Variants in CTNND1 observed in about 807,000 individuals in gnomAD.
The protein encoded by CTNND1 is catenin delta 1.
CTNND1 carries 16 observed loss-of-function variants against 112.1 expected under a neutral mutation model. The ratio of observed to expected loss-of-function variants is 0.14; its 90% CI spans 0.10 to 0.22. The LOEUF (loss-of-function observed/expected upper bound fraction) is 0.22, where lower values mean the gene tolerates loss of function less well. CTNND1 is among the 10% of genes least tolerant of loss of function. The pLI is 1.00. For missense variants in CTNND1, 1,008 were observed against 1,257.0 expected (o/e 0.80, Z 3.00); for synonymous variants, 420 against 446.5 (o/e 0.94, Z 0.75).
chr11:57,802,108 G>A lies in CTNND1; in HGVS notation c.1332G>A (p.Lys444=), dbSNP rs1174363318. ...CTTTTGGACGTGACCAGGATAACAAGATTGCCATAAAAAACTGTGATGGTG... is the reference window on the plus strand; with the variant it reads ...CTTTTGGACGTGACCAGGATAACAAAATTGCCATAAAAAACTGTGATGGTG... ...NISFGRDQDN[K]IAIKNCDGVP... is the part of the protein sequence containing the mutation. Residue 444 remains lysine, a synonymous_variant, in exon 7 of 21, where the codon AAG becomes AAA. Coordinates refer to ENST00000399050, the MANE Select transcript of CTNND1 (RefSeq NM_001085458.2). The A allele has an allele frequency of 6.2e-7, 1 of 1,614,026 alleles. No individual in the cohort carries two copies. Among genetic ancestry groups the A allele is most frequent in the Admixed American group, 1.7e-5 (1 of 60,020 alleles).
intron 14 of CTNND1, 107 bp from the exon 15 acceptor site, chr11:57,809,167 A>C (rs2063048772): frequency 1.3e-6 from 1 of 765,318 alleles, no homozygotes; most frequent in Non-Finnish European, 2.1e-6. Context: ...AAGTTGATTC[A>C]TGTGGACAGC....
chr11:57,782,228 C>T (rs1331564338), intron 1 of CTNND1, among the ~76,000 whole-genome samples: 1 of 152,100 alleles, frequency 6.6e-6, no homozygotes, highest in Non-Finnish European at 1.5e-5. Context: ...ACGTTCCAAT[C>T]AGAGAGAATG....
At chr11:57,813,681 C>A (rs1008125189) in intron 17 of CTNND1, among the ~76,000 whole-genome samples, 2 of 152,146 alleles carry the variant, frequency 1.3e-5, no homozygotes, top group African/African-American at 4.8e-5. Flanking sequence ...TCTTTTCCAA[C>A]TTTTTATCTG....
At position 57,783,620 on chromosome 11, in the gene CTNND1, C is replaced by T. The variant is rs568336205; in HGVS notation, c.-213-5417C>T. Among the ~76,000 whole-genome samples, 30 of 151,376 alleles carry T rather than the reference C, an allele frequency of 2.0e-4. No homozygotes were observed. The East Asian group carries it at 2.9e-3, about 15-fold the overall frequency. ...CTTGCAGTGAGCCGAGATCGCGCCA[C>T]TGCACTCCATCCTGGGTGACAGAGC... On this transcript the variant is annotated intron_variant, in intron 1 of 20. Coordinates refer to ENST00000399050, the MANE Select transcript of CTNND1 (RefSeq NM_001085458.2).
intron 1 of CTNND1, among the ~76,000 whole-genome samples, chr11:57,769,260 T>TGCAGTGAG (rs1247157263): frequency 6.6e-6 from 1 of 151,200 alleles, no homozygotes; most frequent in Non-Finnish European, 1.5e-5. Context: ...AGGTGGAGGT[T>TGCAGTGAG]GCAGTGAGCC....
At chr11:57,786,855 T>C (rs910349183) in intron 1 of CTNND1, among the ~76,000 whole-genome samples, 5 of 152,224 alleles carry the variant, frequency 3.3e-5, no homozygotes, top group South Asian at 2.1e-4. Flanking sequence ...TTTCTTTCCC[T>C]GTTTTCCTGT....
intron 1 of CTNND1, among the ~76,000 whole-genome samples, chr11:57,786,190 ATTT>A (rs10715396): frequency 4.9e-4 from 65 of 132,526 alleles, no homozygotes; most frequent in Admixed American, 4.6e-4. Flanking sequence ...GAATTCTTTG[ATTT>A]TTTTTTTTTT....
intron 16 of CTNND1, among the ~76,000 whole-genome samples, 194 bp downstream of exon 16, chr11:57,810,417 C>T (rs947648605): frequency 1.3e-5 from 2 of 151,954 alleles, no homozygotes; most frequent in East Asian, 2.0e-4. Context: ...CAACCTCTGC[C>T]TCCCGGGTTC....
intron 1 of CTNND1, among the ~76,000 whole-genome samples, chr11:57,766,913 G>T (rs1565267772): frequency 6.6e-6 from 1 of 151,836 alleles, no homozygotes; most frequent in Non-Finnish European, 1.5e-5. Flanking sequence ...TTGGTGTGGT[G>T]TGGACAATTT....
intron 3 of CTNND1, 29 bp downstream of exon 3, chr11:57,791,702 G>A (rs753718378): frequency 4.0e-6 from 6 of 1,500,628 alleles, no homozygotes; most frequent in African/African-American, 1.4e-5. Context: ...AGACGTGCAG[G>A]TAGGACTTTG....
At chr11:57,798,386 C>T (rs2061613846) in intron 6 of CTNND1, among the ~76,000 whole-genome samples, 1 of 145,702 alleles carries the variant, frequency 6.9e-6, no homozygotes, top group Non-Finnish European at 1.5e-5. Flanking sequence ...CAAAACAAAA[C>T]ATAGTTGAGG....
intron 17 of CTNND1, among the ~76,000 whole-genome samples, chr11:57,812,628 G>A (rs2063501332): frequency 6.6e-6 from 1 of 152,122 alleles, no homozygotes. Context: ...TTGTCTTAAG[G>A]AAATGTACTT....
intron 6 of CTNND1, among the ~76,000 whole-genome samples, chr11:57,800,835 A>G (rs956267305): frequency 3.9e-5 from 6 of 152,228 alleles, no homozygotes; most frequent in Admixed American, 6.5e-5. Context: ...GGTAGTTACG[A>G]ATAAATAATA....
At chr11:57,796,400 G>T (rs2061368211) in intron 5 of CTNND1, 57 bp from the exon 6 acceptor site, 8 of 1,395,292 alleles carry the variant, frequency 5.7e-6, no homozygotes, top group East Asian at 2.4e-5. Context: ...AAAAAAAAAA[G>T]AATTTAATTG....
intron 6 of CTNND1, among the ~76,000 whole-genome samples, chr11:57,800,355 C>T (rs891224413): frequency 5.3e-5 from 8 of 151,972 alleles, no homozygotes; most frequent in East Asian, 1.9e-4. Context: ...GCAACCTCCA[C>T]CTCTTGGGTT....
intron 6 of CTNND1, among the ~76,000 whole-genome samples, chr11:57,800,174 A>G (rs1006822764): frequency 3.3e-5 from 5 of 151,696 alleles, no homozygotes; most frequent in Non-Finnish European, 5.9e-5. Context: ...TGCAAAAGTG[A>G]TACATAATAG....
chr11:57,792,106 G>A (rs896816322), intron 3 of CTNND1, among the ~76,000 whole-genome samples: 2 of 152,290 alleles, frequency 1.3e-5, no homozygotes, highest in African/African-American at 4.8e-5. Flanking sequence ...CTGTACCCAG[G>A]TGTGGCAGTA....
At chr11:57,781,059 C>G (rs1252792900) in intron 1 of CTNND1, among the ~76,000 whole-genome samples, 1 of 152,194 alleles carries the variant, frequency 6.6e-6, no homozygotes, top group African/African-American at 2.4e-5. Context: ...CTGCCTCAGC[C>G]TCCCGGGTAG....
intron 1 of CTNND1, among the ~76,000 whole-genome samples, chr11:57,762,391 T>C (rs1950051204): frequency 6.6e-6 from 1 of 152,234 alleles, no homozygotes; most frequent in African/African-American, 2.4e-5. Flanking sequence ...TGGATTAAGC[T>C]AACATATTTC....
Sources: gnomAD v4.1 joint callset for allele counts (sites outside exome capture counted in the v4.1 genomes callset) on GRCh38, gnomAD v4.1.1 for gene constraint, MANE v1.5 for transcripts, NCBI Gene and HGNC (gene_info 2026-07-23, HGNC 2026-07-21) for gene names.